Variants in NDUFA10 observed in about 807,000 individuals in gnomAD.
NDUFA10 encodes NADH dehydrogenase [ubiquinone] 1 alpha subcomplex subunit 10, mitochondrial.
NDUFA10 carries 40 observed loss-of-function variants against 47.8 expected under a neutral mutation model. The ratio of observed to expected loss-of-function variants is 0.84; its 90% CI spans 0.65 to 1.09. The LOEUF (loss-of-function observed/expected upper bound fraction) is 1.09, where lower values mean the gene tolerates loss of function less well. NDUFA10 is among the 50% of genes least tolerant of loss of function. NDUFA10 has a pLI of 0.00. For missense variants in NDUFA10, 413 were observed against 451.1 expected (o/e 0.92, Z 0.76); for synonymous variants, 183 against 172.2 (o/e 1.06, Z -0.49).
chr2:239,959,968 C>A lies in NDUFA10; in HGVS notation c.*1150G>T. On this transcript the variant is annotated 3_prime_UTR_variant, in exon 10 of 10. Coordinates refer to ENST00000252711, the MANE Select transcript of NDUFA10 (RefSeq NM_004544.4). ...GGGAGCAGAGCATCGTCCTCTGCACCAGCACTGGAACTACTGCCCACAGGC... is the reference window on the plus strand; with the variant it reads ...GGGAGCAGAGCATCGTCCTCTGCACAAGCACTGGAACTACTGCCCACAGGC... The A allele has an allele frequency of 1.0e-6, 1 of 985,522 alleles. No individual in the cohort carries two copies. Among genetic ancestry groups the A allele is most frequent in the Non-Finnish European group, 1.2e-6 (1 of 829,948 alleles). The allele number at this position is 985,522 out of a possible 1,614,324, so 61.0% of individuals were successfully genotyped here.
At chr2:239,920,110 G>C (rs1693943871) in intron 4 of NDUFA10, among the ~76,000 whole-genome samples, 1 of 152,236 alleles carries the variant, frequency 6.6e-6, no homozygotes, top group Non-Finnish European at 1.5e-5. Flanking sequence ...GCCTTTGGGA[G>C]GTGGTCAGGG....
chr2:239,918,590 G>A (rs936089064), intron 4 of NDUFA10, among the ~76,000 whole-genome samples: 27 of 152,286 alleles, frequency 1.8e-4, no homozygotes, highest in Admixed American at 1.4e-3. Flanking sequence ...CTCCCCTCCT[G>A]CAGTGGCAGC....
chr2:239,998,780 T>C (rs1466169423), intron 8 of NDUFA10, among the ~76,000 whole-genome samples: 1 of 152,236 alleles, frequency 6.6e-6, no homozygotes, highest in Non-Finnish European at 1.5e-5. Context: ...TTTTCACTGC[T>C]TGAGAAAGTT....
Position 239,961,183 on chromosome 2 carries a change from G to C in NDUFA10, c.1003C>G (p.Pro335Ala). 1 of 1,601,694 alleles carries C rather than the reference G, an allele frequency of 6.2e-7. No homozygotes were observed. The highest frequency in any genetic ancestry group is 8.5e-7 in the Non-Finnish European group (1 of 1,173,268). Residue 335 changes from proline (P) to alanine (A), a missense_variant, in exon 10 of 10, where the codon CCG becomes GCG. Pro to Ala is a conservative substitution (Grantham distance 27, BLOSUM62 -1). Coordinates refer to ENST00000252711, the MANE Select transcript of NDUFA10 (RefSeq NM_004544.4). Reference sequence around the variant, plus strand: ...TACCCAGGGCTGTACTTGCGGCCCGGCAGCTGTGGGGGAAAAAGGCATTGG... The same window carrying C: ...TACCCAGGGCTGTACTTGCGGCCCGCCAGCTGTGGGGGAAAAAGGCATTGG... ...DRVLHQFREL[P>A]GRKYSPGYNT...
At chr2:240,006,263 G>A (rs1696945456) in intron 7 of NDUFA10, among the ~76,000 whole-genome samples, 1 of 152,148 alleles carries the variant, frequency 6.6e-6, no homozygotes, top group African/African-American at 2.4e-5. Flanking sequence ...GAAACAGAAG[G>A]CGGAGGAGAA....
intron 4 of NDUFA10, among the ~76,000 whole-genome samples, chr2:239,939,500 TG>T (rs1169277356): frequency 6.6e-6 from 1 of 152,282 alleles, no homozygotes; most frequent in African/African-American, 2.4e-5. Flanking sequence ...TTTCTGCTTT[TG>T]CCACACTTTT....
chr2:239,895,151 G>A (rs374778541), intron 5 of NDUFA10: 6 of 385,010 alleles, frequency 1.6e-5, no homozygotes, highest in East Asian at 9.0e-5. Context: ...CCCAGTCCAC[G>A]TCACATCCTC....
chr2:239,998,140 T>A (rs1324095166), intron 8 of NDUFA10, among the ~76,000 whole-genome samples: 2 of 152,178 alleles, frequency 1.3e-5, no homozygotes, highest in African/African-American at 4.8e-5. Flanking sequence ...GGTGATTTGA[T>A]TCTATATTCA....
chr2:239,952,356 T>C (rs1414378791), intron 4 of NDUFA10, among the ~76,000 whole-genome samples: 3 of 151,798 alleles, frequency 2.0e-5, no homozygotes, highest in Non-Finnish European at 2.9e-5. Flanking sequence ...GATGCTGTTG[T>C]CTGTGGAAGG....
intron 4 of NDUFA10, chr2:239,895,378 C>A: frequency 2.7e-6 from 1 of 371,616 alleles, no homozygotes; most frequent in Non-Finnish European, 5.8e-6. Context: ...GAGCTCTGTG[C>A]AGGTGTAGGT....
intron 4 of NDUFA10, among the ~76,000 whole-genome samples, chr2:239,907,756 G>A (rs1693681659): frequency 6.6e-6 from 1 of 152,212 alleles, no homozygotes; most frequent in Non-Finnish European, 1.5e-5. Flanking sequence ...AACAGGTGCT[G>A]GAGAGGATGT....
In NDUFA10 at chr2:239,928,178, A is replaced by T. The variant is rs909858717; in HGVS notation, c.295-32864T>A. Among the ~76,000 whole-genome samples the T allele has an allele frequency of 2.6e-5, 4 of 152,070 alleles. No individual in the cohort carries two copies. Among genetic ancestry groups the T allele is most frequent in the South Asian group, 4.1e-4 (2 of 4,824 alleles). On this transcript the variant is annotated intron_variant, in intron 4 of 5. Coordinates refer to the NDUFA10 transcript ENST00000419408. The surrounding 1 kb of genome is among the most constrained non-coding windows in gnomAD (Gnocchi z 4.3). ...CAAAGATTCCAGGACTTTAAAAAAAAAATAACAAAAGAAGAAAACAAATGT... is the reference window on the plus strand; with the variant it reads ...CAAAGATTCCAGGACTTTAAAAAAATAATAACAAAAGAAGAAAACAAATGT...
chr2:239,917,515 T>G (rs1693897997), intron 4 of NDUFA10, among the ~76,000 whole-genome samples: 1 of 152,210 alleles, frequency 6.6e-6, no homozygotes, highest in East Asian at 1.9e-4. Context: ...TCCAGCCACC[T>G]GGACACCACA....
chr2:239,915,667 C>T (rs1294120939), intron 4 of NDUFA10, among the ~76,000 whole-genome samples: 2 of 150,076 alleles, frequency 1.3e-5, no homozygotes, highest in Admixed American at 1.3e-4. Context: ...GAGATGCACA[C>T]ACAAACATAT....
chr2:239,898,938 C>T (rs75616517), intron 4 of NDUFA10, among the ~76,000 whole-genome samples: 1,907 of 100,150 alleles, frequency 0.019, 26 homozygotes, highest in Middle Eastern at 0.055. Context: ...AGGGGTGTGA[C>T]GGAGGGGTGT....
chr2:239,895,747 T>C lies in NDUFA10; in HGVS notation c.295-433A>G, dbSNP rs528188398. On this transcript the variant is annotated intron_variant, in intron 4 of 5. Coordinates refer to the NDUFA10 transcript ENST00000419408. ...CACGATTCCTATTTTGTAGCTCACA[T>C]ATGTATGTATATTTAATTTTTACCT... Among the ~76,000 whole-genome samples the C allele has an allele frequency of 9.2e-5, 14 of 152,342 alleles. No homozygotes were observed. The South Asian group carries it at 1.0e-3, about 11-fold the overall frequency.
chr2:240,004,644 C>CTCTCCTAGTCCTGCTCCATTCCGCCCTGG (rs1360930256), intron 8 of NDUFA10, among the ~76,000 whole-genome samples: 5 of 152,074 alleles, frequency 3.3e-5, no homozygotes, highest in African/African-American at 1.2e-4. Flanking sequence ...CTGTGGCCTC[C>CTCTCCTAGTCCTGCTCCATTCCGCCCTGG]CCTCCCCACA....
intron 9 of NDUFA10, among the ~76,000 whole-genome samples, chr2:239,975,467 G>A (rs1054780373): frequency 7.9e-5 from 12 of 152,330 alleles, no homozygotes; most frequent in Admixed American, 2.0e-4. Flanking sequence ...ATGGCCGCCC[G>A]GCCACACTTG....
chr2:239,915,246 C>T (rs1254736319), intron 4 of NDUFA10, among the ~76,000 whole-genome samples: 1 of 47,842 alleles, frequency 2.1e-5, no homozygotes, highest in African/African-American at 8.5e-5. Flanking sequence ...CACAAACATA[C>T]ACACACAACA....
Sources: gnomAD v4.1 joint callset for allele counts (sites outside exome capture counted in the v4.1 genomes callset) on GRCh38, gnomAD v4.1.1 for gene constraint, Gnocchi (gnomAD v3.1) non-coding constraint, MANE v1.5 for transcripts, NCBI Gene and HGNC (gene_info 2026-07-23, HGNC 2026-07-21) for gene names.